The following RHPN2 variants were observed in gnomAD, a reference collection of about 807,000 sequenced individuals.
RHPN2 encodes rhophilin Rho GTPase binding protein 2, also known as rhophilin-2.
In RHPN2, 40 loss-of-function variants were observed where a neutral mutation model predicts 79.0. That is an observed-to-expected ratio of 0.51 (90% CI 0.39 to 0.66). The LOEUF is 0.66. Ranked by LOEUF, RHPN2 falls within the 30% of genes least tolerant of loss-of-function variation. RHPN2 has a pLI of 0.00. For missense variants in RHPN2, 686 were observed against 883.5 expected (o/e 0.78, Z 2.83); for synonymous variants, 285 against 363.5 (o/e 0.78, Z 2.46).
intron 8 of RHPN2, 58 bp from the exon 9 acceptor site, chr19:33,002,461 A>C (rs778581884): frequency 7.5e-6 from 12 of 1,604,408 alleles, no homozygotes; most frequent in Non-Finnish European, 1.0e-5. Context: ...TCATGAACCC[A>C]TTTGCAGAGA....
At chr19:32,982,976 C>T (rs188118194) in intron 14 of RHPN2, among the ~76,000 whole-genome samples, 3 of 151,770 alleles carry the variant, frequency 2.0e-5, no homozygotes, top group South Asian at 2.1e-4. Flanking sequence ...TCATGGCATC[C>T]GTCCCCCAAG....
chr19:33,058,822 T>C (rs1275780855), intron 1 of RHPN2, among the ~76,000 whole-genome samples: 6 of 150,818 alleles, frequency 4.0e-5, no homozygotes, highest in Admixed American at 2.6e-4. Context: ...CAGGTCCAGG[T>C]GCAGGGACTC....
intron 2 of RHPN2, among the ~76,000 whole-genome samples, chr19:33,031,845 G>A (rs1972015117): frequency 1.3e-5 from 2 of 150,074 alleles, no homozygotes; most frequent in Admixed American, 6.7e-5. Context: ...TCAGCCTCCT[G>A]AGTAGCTGGG....
chr19:33,033,982 T>C (rs947559915), intron 2 of RHPN2, among the ~76,000 whole-genome samples: 5 of 151,706 alleles, frequency 3.3e-5, no homozygotes, highest in Non-Finnish European at 7.4e-5. Flanking sequence ...TCCACCTTTA[T>C]ATATAAATTT....
chr19:33,016,327 C>T (rs749032349), intron 4 of RHPN2, among the ~76,000 whole-genome samples: 2 of 152,038 alleles, frequency 1.3e-5, no homozygotes, highest in African/African-American at 4.8e-5. Context: ...TCCACCTCAA[C>T]CTCCCAAGTA....
At chr19:32,989,113 T>C (rs1404321103) in intron 14 of RHPN2, among the ~76,000 whole-genome samples, 1 of 151,820 alleles carries the variant, frequency 6.6e-6, no homozygotes, top group East Asian at 1.9e-4. Context: ...TGGGGAAAAT[T>C]TTAGGGTTTT....
At position 32,999,658 on chromosome 19, in the gene RHPN2, G is replaced by A; in HGVS notation, c.1153C>T (p.Leu385Phe). 1 of 1,552,918 alleles carries A rather than the reference G, an allele frequency of 6.4e-7. No individual in the cohort carries two copies. Among genetic ancestry groups the A allele is most frequent in the East Asian group, 2.2e-5 (1 of 44,826 alleles). Reference protein sequence around the residue: ...LDHQEKCLSQLYDHMPEGLTP... With the variant: ...LDHQEKCLSQFYDHMPEGLTP... ...AGCCCCTCTGGCATGTGGTCGTAGA[G>A]CTGGGACAGGCACTTCTCCTGGTGG... is the stretch of plus-strand genomic sequence containing the variant. Residue 385 changes from leucine to phenylalanine, a missense_variant, in exon 10 of 15, where the codon CTC becomes TTC. Transcript: ENST00000254260.
rs374028038 is a variant in RHPN2, at chr19:33,029,527, GA to G, written c.186-2896del. On this transcript the variant is annotated intron_variant, in intron 2 of 14. Transcript: ENST00000254260. ...GGCGACAGAGCGAGACTCTATCTCA[GA>G]AAAAAAAAAAAAAAAAAGAAGAAGA... Among the ~76,000 whole-genome samples, 680 of 81,560 alleles carry G rather than the reference GA, an allele frequency of 8.3e-3. 6 individuals are homozygous for G. Among genetic ancestry groups the G allele is most frequent in the African/African-American group, 0.025 (570 of 23,226 alleles). 53.5% of individuals were successfully genotyped at this position (81,560 alleles called of 152,430 possible). A position where few individuals can be genotyped will look rare whatever the true frequency, so the allele number is the denominator to read the frequency against.
At chr19:33,055,856 G>A (rs1345644226) in intron 1 of RHPN2, among the ~76,000 whole-genome samples, 1 of 152,042 alleles carries the variant, frequency 6.6e-6, no homozygotes, top group Admixed American at 6.6e-5. Flanking sequence ...CCCTGTCCAG[G>A]CTGGAGGTTT....
chr19:32,983,484 C>A (rs1283531448), intron 14 of RHPN2, among the ~76,000 whole-genome samples: 1 of 151,380 alleles, frequency 6.6e-6, no homozygotes, highest in East Asian at 2.0e-4. Flanking sequence ...CACTGCATTC[C>A]AGCCTGGGTG....
chr19:33,040,672 C>T (rs910454038), intron 2 of RHPN2, among the ~76,000 whole-genome samples: 3 of 152,002 alleles, frequency 2.0e-5, no homozygotes, highest in Admixed American at 1.3e-4. Context: ...TGAAAAAGTA[C>T]GGTCAGGCAT....
rs1213079380 is a variant in RHPN2 at position 32,979,295 on chromosome 19, A to G, written c.*701T>C. On this transcript the variant is annotated 3_prime_UTR_variant, in exon 15 of 15. Coordinates refer to ENST00000254260, the MANE Select transcript of RHPN2 (RefSeq NM_033103.5). ...AAACAAAATGAAAAATGTTTTGAGTATCAAACAGTATATTATCTACCTTGT... is the reference window on the plus strand; with the variant it reads ...AAACAAAATGAAAAATGTTTTGAGTGTCAAACAGTATATTATCTACCTTGT... The G allele has an allele frequency of 6.6e-6, 1 of 152,618 alleles. No homozygotes were observed. Among genetic ancestry groups the G allele is most frequent in the African/African-American group, 2.4e-5 (1 of 41,472 alleles). 9.5% of individuals were successfully genotyped at this position (152,618 alleles called of 1,614,324 possible).
intron 14 of RHPN2, among the ~76,000 whole-genome samples, chr19:32,989,142 C>T (rs1222122941): frequency 6.6e-6 from 1 of 152,154 alleles, no homozygotes; most frequent in Non-Finnish European, 1.5e-5. Context: ...CAGAGTCTCA[C>T]TCTGTTGCCC....
intron 7 of RHPN2, among the ~76,000 whole-genome samples, chr19:33,004,771 C>T (rs1971777216): frequency 6.6e-6 from 1 of 151,530 alleles, no homozygotes; most frequent in Non-Finnish European, 1.5e-5. Context: ...ATTTTTAGTA[C>T]AGACGGGGTT....
intron 1 of RHPN2, 27 bp downstream of exon 1, chr19:33,064,757 C>T: frequency 5.1e-5 from 29 of 566,558 alleles, no homozygotes; most frequent in Non-Finnish European, 8.5e-5. Context: ...CCCGCAGGTC[C>T]CCGCCCGCCC....
At chr19:33,033,867 C>CA (rs1568321812) in intron 2 of RHPN2, among the ~76,000 whole-genome samples, 2 of 151,360 alleles carry the variant, frequency 1.3e-5, no homozygotes, top group African/African-American at 4.9e-5. Context: ...AACTCCGTCT[C>CA]AAAAAAGAAA....
At chr19:33,036,531 T>A (rs936034497) in intron 2 of RHPN2, among the ~76,000 whole-genome samples, 1 of 152,184 alleles carries the variant, frequency 6.6e-6, no homozygotes, top group African/African-American at 2.4e-5. Flanking sequence ...GGGCTCCCAC[T>A]TTGGCGACAC....
intron 1 of RHPN2, among the ~76,000 whole-genome samples, chr19:33,062,125 G>T (rs866812725): frequency 6.6e-6 from 1 of 152,132 alleles, no homozygotes; most frequent in Admixed American, 6.6e-5. Flanking sequence ...CAAAATTGAT[G>T]ATTTTAATTG....
chr19:33,015,440 C>G (rs1218776354), intron 4 of RHPN2, among the ~76,000 whole-genome samples: 6 of 151,944 alleles, frequency 3.9e-5, no homozygotes, highest in African/African-American at 1.4e-4. Context: ...AAAAAAAATC[C>G]TAACTGAAAC....
Sources: allele counts gnomAD v4.1 joint callset (sites outside exome capture counted in the v4.1 genomes callset), GRCh38; gene constraint gnomAD v4.1.1; transcripts MANE v1.5; gene names NCBI Gene and HGNC (gene_info 2026-07-23, HGNC 2026-07-21).